MOK: variants seen among roughly 807,000 people sequenced by gnomAD.
MOK encodes MOK protein kinase.
A neutral mutation model predicts 54.2 loss-of-function variants in MOK; 59 were observed. The observed-to-expected ratio is 1.09, with a 90% confidence interval of 0.88 to 1.35. The LOEUF (loss-of-function observed/expected upper bound fraction) is 1.35, where lower values mean the gene tolerates loss of function less well. Ranked by LOEUF, MOK falls within the 40% of genes most tolerant of loss-of-function variation. The probability of loss-of-function intolerance (pLI) is 0.00; values close to 1 mark genes in which losing one functional copy is unlikely to be tolerated. For missense variants in MOK, 517 were observed against 526.2 expected (o/e 0.98, Z 0.17); for synonymous variants, 210 against 202.7 (o/e 1.04, Z -0.31).
At chr14:102,224,872 G>A, downstream of MOK, 1 of 448,998 alleles carries the variant, frequency 2.2e-6, no homozygotes, top group Middle Eastern at 3.4e-4. Context: ...TTAGACACAT[G>A]CAGAGTGACC....
intron 7 of MOK, 68 bp downstream of exon 7, chr14:102,250,744 A>T: frequency 6.9e-7 from 1 of 1,454,844 alleles, no homozygotes; most frequent in Non-Finnish European, 9.4e-7. Flanking sequence ...TTGTAAAGGA[A>T]GGAGCACGAG....
rs112467841 is a variant in MOK at position 102,289,787 on chromosome 14, G to A, written c.8-6195C>T. Among the ~76,000 whole-genome samples, 1,019 of 152,168 alleles carry A rather than the reference G, an allele frequency of 6.7e-3. 16 individuals carry two copies. The highest frequency in any genetic ancestry group is 0.021 in the African/African-American group (871 of 41,520). ...CTCCCAAAGTGCTGGGATTATAGGCGTGAGCCACTGCACCCAGCCCTCAAG... is the reference window on the plus strand; with the variant it reads ...CTCCCAAAGTGCTGGGATTATAGGCATGAGCCACTGCACCCAGCCCTCAAG... On this transcript the variant is annotated intron_variant, in intron 1 of 11. Transcript: ENST00000361847.
Position 102,261,171 on chromosome 14 carries a change from C to T in MOK, c.283+2375G>A, listed in dbSNP as rs531483302. Among the ~76,000 whole-genome samples the T allele has an allele frequency of 1.3e-4, 19 of 150,018 alleles. No individual in the cohort carries two copies. In the South Asian group the frequency reaches 3.8e-3, roughly 30 times the overall value. On this transcript the variant is annotated intron_variant, in intron 4 of 11. Transcript: ENST00000361847. ...ACTCAGGAGGCACAAGCAGGAGAAT[C>T]GCTTGCACCTGGGAGGCAGAGGTTG...
chr14:102,247,428 T>C (rs778217506), intron 7 of MOK: 3 of 152,234 alleles, frequency 2.0e-5, no homozygotes, highest in Admixed American at 6.5e-5. Context: ...CAAAAATCAA[T>C]GTTGCTCCAG....
chr14:102,258,456 A>G (rs2067140214), intron 4 of MOK, among the ~76,000 whole-genome samples: 1 of 148,634 alleles, frequency 6.7e-6, no homozygotes, highest in African/African-American at 2.6e-5. Context: ...ATTCTTGATC[A>G]TTTTGACTGA....
At chr14:102,269,026 A>C (rs142682817) in intron 2 of MOK, among the ~76,000 whole-genome samples, 2 of 152,308 alleles carry the variant, frequency 1.3e-5, no homozygotes, top group East Asian at 3.8e-4. Context: ...TATATGAAGA[A>C]AGTCCTCAAA....
chr14:102,271,617 A>G lies in MOK; in HGVS notation c.123-5705T>C, dbSNP rs142644946. ...TCTGTTGCCCAGGCTGGAGTGCACG[A>G]GCGCAACCTCGGCTCACTGCAAACT... On this transcript the variant is annotated intron_variant, in intron 2 of 11. Transcript: ENST00000361847. Among the ~76,000 whole-genome samples, 701 of 152,166 alleles carry G rather than the reference A, an allele frequency of 4.6e-3. 6 individuals carry two copies. The highest frequency in any genetic ancestry group is 0.016 in the African/African-American group (651 of 41,518).
chr14:102,226,260 G>T (rs1055173117), downstream of MOK: 2 of 685,618 alleles, frequency 2.9e-6, no homozygotes, highest in Non-Finnish European at 5.3e-6. This position sits in a 1 kb window ranked among gnomAD's most constrained non-coding sequence, Gnocchi z 4.8. Flanking sequence ...GGTCAGGAGG[G>T]TGAGGTGGGT....
At chr14:102,278,127 G>A (rs977433361) in intron 2 of MOK, among the ~76,000 whole-genome samples, 2 of 152,176 alleles carry the variant, frequency 1.3e-5, no homozygotes, top group Non-Finnish European at 2.9e-5. Context: ...GCAAGCCCTC[G>A]CCAGATACCA....
chr14:102,263,438 T>C (rs2067637252), intron 4 of MOK, 108 bp downstream of exon 4: 14 of 768,564 alleles, frequency 1.8e-5, no homozygotes, highest in Admixed American at 9.4e-5. Context: ...GTGTATTATA[T>C]ATAACTACAG....
downstream of MOK, among the ~76,000 whole-genome samples, chr14:102,219,628 A>G (rs2063653286): frequency 6.6e-6 from 1 of 152,212 alleles, no homozygotes; most frequent in Non-Finnish European, 1.5e-5. Context: ...GGCTCCAGGG[A>G]GTCCCTGGTC....
At chr14:102,229,408 TG>T in intron 11 of MOK, 42 bp from the exon 12 acceptor site, 1 of 1,614,106 alleles carries the variant, frequency 6.2e-7, no homozygotes, top group Non-Finnish European at 8.5e-7. Context: ...AGTGGCGGCC[TG>T]GGCTGGGTCG....
chr14:102,253,025 T>C (rs2066651863), intron 4 of MOK, among the ~76,000 whole-genome samples: 2 of 152,234 alleles, frequency 1.3e-5, no homozygotes, highest in African/African-American at 4.8e-5. Context: ...GCGAGTCAGC[T>C]CTATCAGCTG....
At chr14:102,220,907 A>T (rs543379333), downstream of MOK, among the ~76,000 whole-genome samples, 1 of 151,836 alleles carries the variant, frequency 6.6e-6, no homozygotes, top group East Asian at 1.9e-4. This position sits in a 1 kb window ranked among gnomAD's most constrained non-coding sequence, Gnocchi z 4.2. Flanking sequence ...AGTAGCTGGG[A>T]TGACAGCCGT....
At chr14:102,225,084 CAG>C (rs1428217701), downstream of MOK, 56 of 309,302 alleles carry the variant, frequency 1.8e-4, no homozygotes, top group African/African-American at 3.3e-4. Context: ...CTGTTTAAGA[CAG>C]AGTCTTACCT....
At chr14:102,300,956 G>T (rs1273569301) in intron 1 of MOK, among the ~76,000 whole-genome samples, 4 of 152,102 alleles carry the variant, frequency 2.6e-5, no homozygotes, top group Non-Finnish European at 5.9e-5. Context: ...AATTAGCCAG[G>T]TGTGGTGGTG....
chr14:102,282,935 G>C (rs563714099), intron 2 of MOK, among the ~76,000 whole-genome samples: 2 of 150,986 alleles, frequency 1.3e-5, no homozygotes, highest in Admixed American at 1.3e-4. Context: ...CATGCCTGCA[G>C]TTGCAGCTAC....
At position 102,229,115 on chromosome 14, in the gene MOK, G is replaced by T; in HGVS notation, c.*174C>A. The T allele has an allele frequency of 1.6e-6, 1 of 621,974 alleles. No homozygotes were observed. Among genetic ancestry groups the T allele is most frequent in the Non-Finnish European group, 2.7e-6 (1 of 366,814 alleles). The allele number at this position is 621,974 out of a possible 1,614,324, so 38.5% of individuals were successfully genotyped here. On this transcript the variant is annotated 3_prime_UTR_variant, in exon 12 of 12. Transcript: ENST00000361847. ...ATATTAGCCCAGAACATCCTAGGCA[G>T]CTGCGCGGGCCGCGGGTGCGGCAGG... is the stretch of plus-strand genomic sequence containing the variant.
At chr14:102,302,860 T>C (rs1473827273) in intron 1 of MOK, among the ~76,000 whole-genome samples, 1 of 150,758 alleles carries the variant, frequency 6.6e-6, no homozygotes, top group Non-Finnish European at 1.5e-5. Flanking sequence ...GGTAGTGGGG[T>C]ATGAAGAGTC....
Sources: allele counts gnomAD v4.1 joint callset (sites outside exome capture counted in the v4.1 genomes callset), GRCh38; gene constraint gnomAD v4.1.1; non-coding constraint Gnocchi (gnomAD v3.1); transcripts MANE v1.5; gene names NCBI Gene and HGNC (gene_info 2026-07-23, HGNC 2026-07-21).